EBPL: variants seen among roughly 807,000 people sequenced by gnomAD.
The protein encoded by EBPL is emopamil-binding protein-like.
EBPL carries 20 observed loss-of-function variants against 19.0 expected under a neutral mutation model. That is an observed-to-expected ratio of 1.05 (90% CI 0.74 to 1.53). The LOEUF (loss-of-function observed/expected upper bound fraction) is 1.53. EBPL is among the 40% of genes most tolerant of loss of function. The pLI is 0.00. For synonymous variants in EBPL, 107 were observed against 117.0 expected (o/e 0.91, Z 0.55); for missense variants, 219 against 261.1 (o/e 0.84, Z 1.11).
At chr13:49,675,991 T>C (rs1399993069) in intron 1 of EBPL, among the ~76,000 whole-genome samples, 3 of 152,178 alleles carry the variant, frequency 2.0e-5, no homozygotes, top group Non-Finnish European at 4.4e-5. Flanking sequence ...TATTTTCATG[T>C]ACATATTGAG....
At chr13:49,669,970 G>A (rs980825215) in intron 1 of EBPL, 124 bp from the exon 2 acceptor site, 6 of 735,158 alleles carry the variant, frequency 8.2e-6, no homozygotes, top group Non-Finnish European at 1.2e-5. Flanking sequence ...CCTGGCCACA[G>A]CCTGGAAACA....
chr13:49,677,758 A>T lies in EBPL; in HGVS notation c.172-7912T>A, dbSNP rs1360901336. Reference sequence around the variant, plus strand: ...TCCTTCTCTACTAAAAACACAAAATACAAATATTGTGTCTGGAATTGGTGG... The same window carrying T: ...TCCTTCTCTACTAAAAACACAAAATTCAAATATTGTGTCTGGAATTGGTGG... On this transcript the variant is annotated intron_variant, in intron 1 of 3. Coordinates refer to ENST00000242827, the MANE Select transcript of EBPL (RefSeq NM_032565.5). Among the ~76,000 whole-genome samples the T allele has an allele frequency of 7.9e-5, 12 of 152,280 alleles. No homozygotes were observed. The South Asian group carries it at 1.2e-3, about 16-fold the overall frequency.
chr13:49,668,699 C>T (rs982695032), intron 2 of EBPL: 4 of 359,840 alleles, frequency 1.1e-5, no homozygotes, highest in South Asian at 2.1e-5. Flanking sequence ...GGTATTGACA[C>T]AGTACATGGT....
intron 2 of EBPL, among the ~76,000 whole-genome samples, chr13:49,663,938 C>CA (rs1374312574): frequency 7.1e-6 from 1 of 140,210 alleles, no homozygotes; most frequent in African/African-American, 2.7e-5. Flanking sequence ...AAAAAAAAAA[C>CA]AAAAAAACAA....
At chr13:49,680,097 G>C (rs1178659787) in intron 1 of EBPL, among the ~76,000 whole-genome samples, 1 of 152,110 alleles carries the variant, frequency 6.6e-6, no homozygotes. Flanking sequence ...AGGTTGGTGG[G>C]AGGGGCCTGC....
At position 49,691,431 on chromosome 13, in the gene EBPL, G is replaced by A. The variant is rs557998507; in HGVS notation, c.-7C>T. On this transcript the variant is annotated 5_prime_UTR_variant, in exon 1 of 4. Transcript: ENST00000242827. ...GCTCCCACTCAGCGCCCATGCTTCA[G>A]GCTTCCGACGCCAACGGCCCAGGAC... The A allele has an allele frequency of 3.7e-6, 5 of 1,335,324 alleles. No individual in the cohort carries two copies. In the African/African-American group the frequency reaches 4.5e-5, roughly 12 times the overall value. The allele number at this position is 1,335,324 out of a possible 1,614,324, so 82.7% of individuals were successfully genotyped here.
intron 2 of EBPL, among the ~76,000 whole-genome samples, chr13:49,668,767 G>T (rs1417493924): frequency 6.6e-6 from 1 of 151,936 alleles, no homozygotes; most frequent in Admixed American, 6.6e-5. Flanking sequence ...TTTTGGAAAG[G>T]ATCTACAAGA....
chr13:49,690,164 A>C (rs1055164045), intron 1 of EBPL, among the ~76,000 whole-genome samples: 33 of 140,618 alleles, frequency 2.3e-4, no homozygotes, highest in South Asian at 4.6e-4. Context: ...ACAACAACAA[A>C]AAAAAAGACA....
At chr13:49,680,654 T>C (rs1953932388) in intron 1 of EBPL, among the ~76,000 whole-genome samples, 1 of 152,122 alleles carries the variant, frequency 6.6e-6, no homozygotes, top group Non-Finnish European at 1.5e-5. Flanking sequence ...AAACCCCCAC[T>C]CTACTAAAAA....
At chr13:49,677,248 A>G (rs1357145894) in intron 1 of EBPL, among the ~76,000 whole-genome samples, 2 of 152,206 alleles carry the variant, frequency 1.3e-5, no homozygotes, top group African/African-American at 4.8e-5. Flanking sequence ...AACAATGCTA[A>G]GAGCTGGTAT....
At chr13:49,687,545 A>G (rs7985868) in intron 1 of EBPL, among the ~76,000 whole-genome samples, 7,509 of 152,228 alleles carry the variant, frequency 0.049, 351 homozygotes, top group African/African-American at 0.12. Flanking sequence ...CAGAGTAGTA[A>G]ACCTGGGAGA....
chr13:49,667,229 C>G (rs1482059713), intron 2 of EBPL, among the ~76,000 whole-genome samples: 1 of 152,164 alleles, frequency 6.6e-6, no homozygotes, highest in Non-Finnish European at 1.5e-5. Context: ...TTATTAAACA[C>G]TGAAACAATA....
chr13:49,683,857 T>C (rs920068757), intron 1 of EBPL, among the ~76,000 whole-genome samples: 55 of 152,152 alleles, frequency 3.6e-4, no homozygotes, highest in African/African-American at 1.2e-3. Flanking sequence ...GAAAGAAAAA[T>C]ATGCCCACAC....
At chr13:49,661,919 A>G (rs1175359604) in intron 3 of EBPL, 3 of 1,550,246 alleles carry the variant, frequency 1.9e-6, no homozygotes, top group Admixed American at 2.0e-5. Flanking sequence ...ACCCCAGGCC[A>G]CTCTGTCCCT....
At chr13:49,690,928 A>G (rs1168125738) in intron 1 of EBPL, among the ~76,000 whole-genome samples, 3 of 152,094 alleles carry the variant, frequency 2.0e-5, no homozygotes, top group Non-Finnish European at 4.4e-5. Flanking sequence ...TCTACTCTCA[A>G]TTATGTCCAG....
At chr13:49,669,949 A>C in intron 1 of EBPL, 103 bp from the exon 2 acceptor site, 3 of 861,496 alleles carry the variant, frequency 3.5e-6, no homozygotes, top group Non-Finnish European at 5.7e-6. Context: ...ACCCTTCTCC[A>C]TGGCTCACAT....
chr13:49,685,008 C>T (rs573847183), intron 1 of EBPL, among the ~76,000 whole-genome samples: 4 of 152,260 alleles, frequency 2.6e-5, no homozygotes, highest in South Asian at 2.1e-4. Context: ...GGGGCTCAAA[C>T]GATTCTCCTG....
intron 2 of EBPL, among the ~76,000 whole-genome samples, chr13:49,666,725 A>AC (rs898061059): frequency 6.0e-5 from 9 of 150,564 alleles, no homozygotes; most frequent in South Asian, 2.1e-4. Flanking sequence ...AAAAAAAAAA[A>AC]AAAAAAAAAC....
At chr13:49,687,139 T>C (rs1954007513) in intron 1 of EBPL, among the ~76,000 whole-genome samples, 2 of 152,182 alleles carry the variant, frequency 1.3e-5, no homozygotes, top group African/African-American at 4.8e-5. Context: ...CCCCGACTCA[T>C]AGTTCTAAAG....
Sources: gnomAD v4.1 joint callset for allele counts (sites outside exome capture counted in the v4.1 genomes callset) on GRCh38, gnomAD v4.1.1 for gene constraint, MANE v1.5 for transcripts, NCBI Gene and HGNC (gene_info 2026-07-23, HGNC 2026-07-21) for gene names.